The following PLEKHD1 variants were observed in gnomAD, a reference collection of about 807,000 sequenced individuals.
The protein encoded by PLEKHD1 is pleckstrin homology and coiled-coil domain containing D1.
Under a neutral mutation model 69.2 loss-of-function variants are expected in PLEKHD1, and 51 were observed. The observed-to-expected ratio is 0.74, with a 90% CI of 0.59 to 0.93. The LOEUF (loss-of-function observed/expected upper bound fraction) is 0.93, where lower values mean the gene tolerates loss of function less well. Among genes scored for constraint, PLEKHD1 ranks in the 40% least tolerant of loss-of-function variants. The pLI is 0.00. For missense variants in PLEKHD1, 584 were observed against 641.0 expected (o/e 0.91, Z 0.96); for synonymous variants, 236 against 244.7 (o/e 0.96, Z 0.33).
intron 1 of PLEKHD1, among the ~76,000 whole-genome samples, chr14:69,487,200 C>T (rs558980170): frequency 6.6e-6 from 1 of 151,694 alleles, no homozygotes; most frequent in South Asian, 2.1e-4. Context: ...CACACACACA[C>T]ACACACACAC....
chr14:69,525,568 G>A (rs1159405156), intron 8 of PLEKHD1, among the ~76,000 whole-genome samples: 1 of 152,074 alleles, frequency 6.6e-6, no homozygotes, highest in Non-Finnish European at 1.5e-5. Flanking sequence ...CTGCAGCCTC[G>A]CTCTGTTTGT....
chr14:69,501,018 C>CAGCAGAGAGGCAGGGAG, intron 4 of PLEKHD1, 71 bp downstream of exon 4: 4 of 1,448,826 alleles, frequency 2.8e-6, no homozygotes, highest in Non-Finnish European at 3.8e-6. Context: ...CCTGAACTCC[C>CAGCAGAGAGGCAGGGAG]TGCCTCTCTG....
Position 69,524,331 on chromosome 14 carries a change from C to T in PLEKHD1, c.744+9C>T. The stretch of plus-strand genomic sequence containing the variant: ...TGCAGCAGACACTGGAGGTGAGGGG[C>T]TGCTGGTGGGTTAGTTGACCAGGTG... On this transcript the variant is annotated intron_variant, in intron 8 of 12. Coordinates refer to ENST00000322564, the MANE Select transcript of PLEKHD1 (RefSeq NM_001161498.2). 2.6e-6 allele frequency: 4 copies of T among 1,550,680 alleles called. No homozygotes were observed. The South Asian group carries it at 4.8e-5, about 18-fold the overall frequency.
At chr14:69,498,651 CTCTTCTCTTCTTTGA>C (rs1882950814) in intron 1 of PLEKHD1, among the ~76,000 whole-genome samples, 2 of 140,222 alleles carry the variant, frequency 1.4e-5, no homozygotes. Context: ...CTCTTCTCTT[CTCTTCTCTTCTTTGA>C]GATGGAGTCT....
intron 5 of PLEKHD1, chr14:69,502,445 C>T: frequency 3.7e-6 from 1 of 268,202 alleles, no homozygotes; most frequent in Non-Finnish European, 7.3e-6. Context: ...ACACTTGGGG[C>T]CCCAGCACTT....
chr14:69,500,752 G>A, intron 3 of PLEKHD1, 86 bp downstream of exon 3: 3 of 1,513,180 alleles, frequency 2.0e-6, no homozygotes, highest in Admixed American at 3.9e-5. Flanking sequence ...CCATGTCCTG[G>A]CCTGGGAGAG....
intron 6 of PLEKHD1, among the ~76,000 whole-genome samples, chr14:69,520,166 C>CAAAAAAAAAAAA (rs761343645): frequency 9.8e-5 from 2 of 20,508 alleles, no homozygotes; most frequent in African/African-American, 3.1e-4. Flanking sequence ...GACTCTGTCT[C>CAAAAAAAAAAAA]AAAAAAAAAA....
intron 6 of PLEKHD1, among the ~76,000 whole-genome samples, chr14:69,506,718 G>T (rs115327589): frequency 0.013 from 1,920 of 152,166 alleles, 46 homozygotes; most frequent in African/African-American, 0.044. Flanking sequence ...AGTCAACATT[G>T]ACACACTGTC....
At chr14:69,501,222 A>G in intron 4 of PLEKHD1, 1 of 528,866 alleles carries the variant, frequency 1.9e-6, no homozygotes, top group Non-Finnish European at 3.4e-6. Context: ...CCTGACACCC[A>G]TCTCACCTCC....
chr14:69,531,445 G>A lies in PLEKHD1; in HGVS notation c.*3026G>A, dbSNP rs192470935. The A allele has an allele frequency of 1.3e-3, 205 of 152,284 alleles. No homozygotes were observed. The highest frequency in any genetic ancestry group is 4.8e-3 in the African/African-American group (199 of 41,548). The allele number at this position is 152,284 out of a possible 1,614,324, so 9.4% of individuals were successfully genotyped here. On this transcript the variant is annotated 3_prime_UTR_variant, in exon 13 of 13. Coordinates refer to ENST00000322564, the MANE Select transcript of PLEKHD1 (RefSeq NM_001161498.2). Reference sequence around the variant, plus strand: ...TAGCAACATCTCTATATCAAAATACGTAGGAGTGGAAATTACTTAGTGGAG... The same window carrying A: ...TAGCAACATCTCTATATCAAAATACATAGGAGTGGAAATTACTTAGTGGAG...
chr14:69,518,410 C>CT (rs1566563994), intron 6 of PLEKHD1, among the ~76,000 whole-genome samples: 2 of 152,118 alleles, frequency 1.3e-5, no homozygotes, highest in Non-Finnish European at 2.9e-5. Context: ...TTTTGCTTAT[C>CT]TTCATATCCT....
At chr14:69,504,503 G>T (rs1883109110) in intron 6 of PLEKHD1, among the ~76,000 whole-genome samples, 2 of 151,948 alleles carry the variant, frequency 1.3e-5, no homozygotes, top group South Asian at 4.2e-4. Context: ...CCAGGGCCTG[G>T]CACAGCTCCT....
chr14:69,493,541 G>A (rs913964524), intron 1 of PLEKHD1, among the ~76,000 whole-genome samples: 2 of 152,088 alleles, frequency 1.3e-5, no homozygotes, highest in Non-Finnish European at 2.9e-5. Flanking sequence ...GTGTGATCTG[G>A]GACATATTAT....
chr14:69,501,678 A>G, intron 4 of PLEKHD1, 56 bp from the exon 5 acceptor site: 5 of 1,350,530 alleles, frequency 3.7e-6, no homozygotes, highest in Non-Finnish European at 1.0e-6. Context: ...TTCTGTTTTA[A>G]TGATTTTCTG....
intron 7 of PLEKHD1, 119 bp downstream of exon 7, chr14:69,522,496 C>G (rs1246978194): frequency 9.1e-7 from 1 of 1,098,458 alleles, no homozygotes; most frequent in African/African-American, 1.6e-5. Flanking sequence ...AGGCTCCAGG[C>G]TTGGGTCTAT....
rs1166429791 is a variant in PLEKHD1 at position 69,489,558 on chromosome 14, CAAAAAAAAAA to C, written c.149+4458_149+4467del. On this transcript the variant is annotated intron_variant, in intron 1 of 12. Coordinates refer to ENST00000322564, the MANE Select transcript of PLEKHD1 (RefSeq NM_001161498.2). ...TGAGGGACAGAGTGATACTCCATCT[CAAAAAAAAAA>C]AAAAAAAAAAAAAGGAAAAAAAAAG... 7.1e-3 allele frequency among the ~76,000 whole-genome samples: 426 copies of C among 59,906 alleles called. 4 individuals carry two copies. Among genetic ancestry groups the C allele is most frequent in the Middle Eastern group, 0.024 (1 of 42 alleles). The allele number at this position is 59,906 out of a possible 152,430, so 39.3% of individuals were successfully genotyped here. A position where few individuals can be genotyped will look rare whatever the true frequency, so the allele number is the denominator to read the frequency against.
At position 69,525,913 on chromosome 14, in the gene PLEKHD1, C is replaced by T. The variant is rs932759002; in HGVS notation, c.745-31C>T. 4.9e-5 allele frequency: 75 copies of T among 1,537,058 alleles called. 1 individual carries two copies. Among genetic ancestry groups the T allele is most frequent in the Middle Eastern group, 1.7e-4 (1 of 5,912 alleles). Reference sequence around the variant, plus strand: ...GCCACGATGGAGAACCTAAATTGGGCTTTTCTTTTCCTTGCCTCCCTCCAT... The same window carrying T: ...GCCACGATGGAGAACCTAAATTGGGTTTTTCTTTTCCTTGCCTCCCTCCAT... On this transcript the variant is annotated intron_variant, in intron 8 of 12. Transcript: ENST00000322564.
At chr14:69,469,041 G>A in the PLEKHD1 span, among the ~76,000 whole-genome samples, 6 of 152,138 alleles carry the variant, frequency 3.9e-5, no homozygotes, top group African/African-American at 1.2e-4. Context: ...ATCATTTTCC[G>A]GATTTCTCTT....
At chr14:69,501,383 C>CA in intron 4 of PLEKHD1, 1 of 312,984 alleles carries the variant, frequency 3.2e-6, no homozygotes, top group Non-Finnish European at 6.0e-6. Flanking sequence ...CTTTTAGTTC[C>CA]AAAAACACCG....
Sources: gnomAD v4.1 joint callset for allele counts (sites outside exome capture counted in the v4.1 genomes callset) on GRCh38, gnomAD v4.1.1 for gene constraint, MANE v1.5 for transcripts, NCBI Gene and HGNC (gene_info 2026-07-23, HGNC 2026-07-21) for gene names.